MED27: variants seen among roughly 807,000 people sequenced by gnomAD.
MED27 encodes mediator of RNA polymerase II transcription subunit 27.
A neutral mutation model predicts 38.2 loss-of-function variants in MED27; 30 were observed. That is an observed-to-expected ratio of 0.79 (90% CI 0.59 to 1.07). The LOEUF (loss-of-function observed/expected upper bound fraction) is 1.07, where lower values mean the gene tolerates loss of function less well. Among genes scored for constraint, MED27 ranks in the 50% least tolerant of loss-of-function variants. The pLI is 0.00. For synonymous variants in MED27, 122 were observed against 153.5 expected, an observed-to-expected ratio of 0.79 and a Z score of 1.52; for missense variants, 289 against 397.5, an observed-to-expected ratio of 0.73 and a Z score of 2.32.
intron 3 of MED27, among the ~76,000 whole-genome samples, chr9:131,977,138 G>A (rs554577353): frequency 6.6e-6 from 1 of 152,250 alleles, no homozygotes; most frequent in East Asian, 1.9e-4. Context: ...ATGATTCCTG[G>A]AACCGTATTC....
intron 3 of MED27, among the ~76,000 whole-genome samples, chr9:132,004,407 C>T (rs1832310753): frequency 6.6e-6 from 1 of 152,150 alleles, no homozygotes; most frequent in Admixed American, 6.5e-5. Flanking sequence ...TAACATGAAC[C>T]AATTATCTTT....
chr9:131,950,873 A>C (rs1830983592), intron 3 of MED27, among the ~76,000 whole-genome samples: 1 of 152,226 alleles, frequency 6.6e-6, no homozygotes, highest in Non-Finnish European at 1.5e-5. Flanking sequence ...AATCAAAGAG[A>C]AATAAAGATC....
At chr9:132,069,268 G>A (rs1045290586) in intron 2 of MED27, among the ~76,000 whole-genome samples, 62 of 151,768 alleles carry the variant, frequency 4.1e-4, no homozygotes, top group African/African-American at 1.5e-3. Flanking sequence ...CAGCCTCCCT[G>A]GGGCCGGCCA....
chr9:131,929,326 C>A (rs1830537190), intron 4 of MED27, among the ~76,000 whole-genome samples: 1 of 152,170 alleles, frequency 6.6e-6, no homozygotes. Context: ...ACTCCTTCTG[C>A]TGGAGAAAAG....
chr9:131,860,425 G>A lies in MED27; in HGVS notation c.*113C>T, dbSNP rs889081354. 3 of 1,242,146 alleles carry A rather than the reference G, an allele frequency of 2.4e-6. No individual in the cohort carries two copies. Among genetic ancestry groups the A allele is most frequent in the Non-Finnish European group, 3.2e-6 (3 of 924,252 alleles). The allele number at this position is 1,242,146 out of a possible 1,614,324, so 76.9% of individuals were successfully genotyped here. ...CACACATGGCGCTGCTTTATGAAAGGGAGGAGCAGCTGTACACATCTGGGC... is the reference window on the plus strand; with the variant it reads ...CACACATGGCGCTGCTTTATGAAAGAGAGGAGCAGCTGTACACATCTGGGC... On this transcript the variant is annotated 3_prime_UTR_variant, in exon 8 of 8. Transcript: ENST00000292035. The surrounding 1 kb of genome is among the most constrained non-coding windows in gnomAD (Gnocchi z 5.8).
rs553308413 is a variant in MED27, at chr9:131,894,138, A to G, written c.574-146T>C. The G allele has an allele frequency of 5.6e-4, 326 of 583,576 alleles. 3 individuals carry two copies. Among genetic ancestry groups the G allele is most frequent in the African/African-American group, 5.3e-3 (288 of 54,398 alleles). 36.1% of individuals were successfully genotyped at this position (583,576 alleles called of 1,614,324 possible). ...TGGATCCTCCAGCACTGGAAAATGA[A>G]CTCTCAATAACAGCAAGTTCTTTCT... On this transcript the variant is annotated intron_variant, in intron 4 of 7. Coordinates refer to ENST00000292035, the MANE Select transcript of MED27 (RefSeq NM_004269.4).
At chr9:132,021,128 C>A (rs1468349251) in intron 2 of MED27, among the ~76,000 whole-genome samples, 1 of 152,194 alleles carries the variant, frequency 6.6e-6, no homozygotes, top group Non-Finnish European at 1.5e-5. Flanking sequence ...GTCCAAACTT[C>A]AAAAGCTATC....
intron 3 of MED27, among the ~76,000 whole-genome samples, chr9:131,966,210 A>C (rs536859276): frequency 1.1e-4 from 15 of 139,770 alleles, no homozygotes; most frequent in East Asian, 2.0e-4. Context: ...AAAAAAAAAA[A>C]AAAAACAAAA....
In MED27 at chr9:131,886,798, C is replaced by T. The variant is rs115180940; in HGVS notation, c.682-2699G>A. ...CGGGTTCGTATTACTTTCTCAGTGC[C>T]GCAGTTTAGCACAGGGCTTAACAAA... On this transcript the variant is annotated intron_variant, in intron 5 of 7. Coordinates refer to ENST00000292035, the MANE Select transcript of MED27 (RefSeq NM_004269.4). Among the ~76,000 whole-genome samples the T allele has an allele frequency of 7.6e-3, 1,162 of 152,246 alleles. 14 individuals are homozygous for T. Among genetic ancestry groups the T allele is most frequent in the African/African-American group, 0.026 (1,098 of 41,536 alleles).
chr9:132,059,991 T>C (rs1297699082), intron 2 of MED27, among the ~76,000 whole-genome samples: 2 of 152,088 alleles, frequency 1.3e-5, no homozygotes, highest in African/African-American at 4.8e-5. Flanking sequence ...TTTAAAGATG[T>C]GGAAACTAAG....
At chr9:131,921,943 T>G (rs987533325) in intron 4 of MED27, among the ~76,000 whole-genome samples, 1 of 148,210 alleles carries the variant, frequency 6.7e-6, no homozygotes, top group African/African-American at 2.5e-5. Context: ...AAACACTGCA[T>G]GTTCTCACTC....
intron 3 of MED27, among the ~76,000 whole-genome samples, chr9:132,013,251 ACT>A (rs1385405109): frequency 1.3e-5 from 2 of 152,258 alleles, no homozygotes; most frequent in African/African-American, 4.8e-5. Context: ...GGAAGACTAC[ACT>A]GCAACAGAAA....
chr9:131,907,573 T>C (rs1830091330), intron 4 of MED27, among the ~76,000 whole-genome samples: 1 of 152,216 alleles, frequency 6.6e-6, no homozygotes, highest in South Asian at 2.1e-4. Flanking sequence ...GGCTACAACC[T>C]CCACCTCCCA....
intron 4 of MED27, among the ~76,000 whole-genome samples, chr9:131,934,106 A>T (rs957506311): frequency 2.6e-5 from 4 of 152,236 alleles, no homozygotes; most frequent in Admixed American, 6.5e-5. Flanking sequence ...ACTGTCTCTC[A>T]CCATACATAA....
intron 6 of MED27, among the ~76,000 whole-genome samples, chr9:131,874,071 GGACCTGGGTC>G (rs1488545695): frequency 6.6e-6 from 1 of 152,210 alleles, no homozygotes; most frequent in East Asian, 1.9e-4. Context: ...GAGGCCTTGC[GGACCTGGGTC>G]TCAGCCGCAT....
chr9:131,961,353 C>T (rs1831210798), intron 3 of MED27, among the ~76,000 whole-genome samples: 1 of 152,182 alleles, frequency 6.6e-6, no homozygotes, highest in Admixed American at 6.5e-5. Flanking sequence ...AAACACAGAA[C>T]AGGATTTTTT....
intron 4 of MED27, among the ~76,000 whole-genome samples, chr9:131,912,764 C>T (rs1830215109): frequency 6.6e-6 from 1 of 152,202 alleles, no homozygotes. Context: ...AACAGCATCA[C>T]CAACAGCCCT....
At chr9:131,942,441 C>T (rs1830806206) in intron 3 of MED27, among the ~76,000 whole-genome samples, 1 of 152,058 alleles carries the variant, frequency 6.6e-6, no homozygotes, top group Non-Finnish European at 1.5e-5. Flanking sequence ...TGGTTTAAAC[C>T]CAGTTTCTTC....
chr9:132,040,429 G>A (rs59344105), intron 2 of MED27, among the ~76,000 whole-genome samples: 2 of 152,294 alleles, frequency 1.3e-5, no homozygotes, highest in East Asian at 1.9e-4. Flanking sequence ...CGTGGAGAGC[G>A]GCTGGCTGGT....
Sources: allele counts gnomAD v4.1 joint callset (sites outside exome capture counted in the v4.1 genomes callset), GRCh38; gene constraint gnomAD v4.1.1; non-coding constraint Gnocchi (gnomAD v3.1); transcripts MANE v1.5; gene names NCBI Gene and HGNC (gene_info 2026-07-23, HGNC 2026-07-21).